Variants in CHLSN observed in about 807,000 individuals in gnomAD.
The protein encoded by CHLSN is cholesin.
chr7:1,080,973 G>A, the CHLSN span: 2 of 152,784 alleles, frequency 1.3e-5, no homozygotes, highest in Non-Finnish European at 2.9e-5. Flanking sequence ...GGTGCAGGGG[G>A]CCAGGTGGGA....
At chr7:1,016,773 C>T in the CHLSN span, among the ~76,000 whole-genome samples, 1 of 86,848 alleles carries the variant, frequency 1.2e-5, no homozygotes, top group South Asian at 3.2e-4. Context: ...GCACAGCGCA[C>T]AGCAGCGCAC....
chr7:1,081,488 C>T, the CHLSN span, among the ~76,000 whole-genome samples: 6 of 152,210 alleles, frequency 3.9e-5, no homozygotes, highest in East Asian at 1.9e-4. Context: ...CTTGGCACGG[C>T]GCAGGGGTGG....
chr7:1,040,905 C>G, the CHLSN span, among the ~76,000 whole-genome samples: 2 of 152,242 alleles, frequency 1.3e-5, no homozygotes, highest in African/African-American at 4.8e-5. Context: ...CAAAGGCAGA[C>G]GTGCCGGCTG....
the CHLSN span, among the ~76,000 whole-genome samples, chr7:1,117,230 G>A: frequency 2.3e-5 from 1 of 43,916 alleles, no homozygotes; most frequent in Non-Finnish European, 3.9e-5. Context: ...CGACGTCCAC[G>A]CAGGATGATG....
chr7:983,243 T>C, the CHLSN span: 1 of 1,532,202 alleles, frequency 6.5e-7, no homozygotes, highest in Non-Finnish European at 8.8e-7. Flanking sequence ...TTCCTGGGCC[T>C]CCTGGGGCTC....
chr7:1,026,661 A>G, the CHLSN span: 64,080 of 152,092 alleles, frequency 0.42, 13,790 homozygotes, highest in Admixed American at 0.49. Flanking sequence ...TGAAAATCAC[A>G]TTATTAACGT....
chr7:1,045,421 CACG>C, the CHLSN span: 1 of 152,252 alleles, frequency 6.6e-6, no homozygotes, highest in South Asian at 2.1e-4. Context: ...CACGGAACAG[CACG>C]ACATCTTTTA....
chr7:1,111,070 C>T, the CHLSN span, among the ~76,000 whole-genome samples: 18 of 152,154 alleles, frequency 1.2e-4, no homozygotes, highest in East Asian at 3.1e-3. Flanking sequence ...AGCGAGACTC[C>T]GTCTCAAAAG....
chr7:1,124,581 GA>G, the CHLSN span, among the ~76,000 whole-genome samples: 2 of 101,214 alleles, frequency 2.0e-5, no homozygotes, highest in African/African-American at 8.2e-5. Context: ...GGGGAGGGGG[GA>G]GGGATAGCAT....
At chr7:1,023,824 G>T in the CHLSN span, among the ~76,000 whole-genome samples, 9,442 of 152,184 alleles carry the variant, frequency 0.062, 925 homozygotes, top group African/African-American at 0.21. The surrounding 1 kb of genome is among the most constrained non-coding windows in gnomAD (Gnocchi z 5.0). Context: ...CAGGCCAGGG[G>T]ACTGGAGGCC....
the CHLSN span, among the ~76,000 whole-genome samples, chr7:1,005,567 G>A: frequency 6.6e-6 from 1 of 152,252 alleles, no homozygotes; most frequent in African/African-American, 2.4e-5. Context: ...CAGCGGGGCA[G>A]TGGGCCTGGG....
chr7:1,035,128 A>T, the CHLSN span, among the ~76,000 whole-genome samples: 1 of 123,296 alleles, frequency 8.1e-6, no homozygotes. Context: ...GTGAACAGTG[A>T]TGGGCTGGTG....
At chr7:1,016,069 G>A in the CHLSN span, among the ~76,000 whole-genome samples, 1 of 135,248 alleles carries the variant, frequency 7.4e-6, no homozygotes, top group Admixed American at 7.2e-5. Context: ...GCACACGCCA[G>A]CGCACAGCAG....
chr7:1,023,285 C>T, the CHLSN span, among the ~76,000 whole-genome samples: 2 of 152,208 alleles, frequency 1.3e-5, no homozygotes, highest in Non-Finnish European at 2.9e-5. The surrounding 1 kb of genome is among the most constrained non-coding windows in gnomAD (Gnocchi z 5.0). Context: ...CAACAGATGG[C>T]ACGGGGAGCG....
At chr7:978,256 A>G in the CHLSN span, among the ~76,000 whole-genome samples, 1 of 152,288 alleles carries the variant, frequency 6.6e-6, no homozygotes, top group East Asian at 1.9e-4. Flanking sequence ...GGTGGCTCAC[A>G]CCTGTAATCC....
At chr7:1,116,005 C>G in the CHLSN span, among the ~76,000 whole-genome samples, 1 of 124,854 alleles carries the variant, frequency 8.0e-6, no homozygotes. Flanking sequence ...CTTCCAGCAC[C>G]GACGCCCACG....
chr7:1,070,376 G>A, the CHLSN span, among the ~76,000 whole-genome samples: 119 of 121,882 alleles, frequency 9.8e-4, 8 homozygotes, highest in Admixed American at 1.9e-3. Context: ...CCCCCCGCCC[G>A]GCCAGCCGCC....
chr7:1,057,433 T>C, the CHLSN span: 3 of 649,614 alleles, frequency 4.6e-6, no homozygotes, highest in Non-Finnish European at 5.6e-6. Context: ...CCTGCAGCAC[T>C]TCTGGGCCAG....
At chr7:1,024,354 A>G in the CHLSN span, 1 of 152,196 alleles carries the variant, frequency 6.6e-6, no homozygotes, top group Admixed American at 6.5e-5. Flanking sequence ...GGCTTCCTAA[A>G]CAGCCTGAGT....
Sources: allele counts gnomAD v4.1 joint callset (sites outside exome capture counted in the v4.1 genomes callset), GRCh38; gene constraint gnomAD v4.1.1; non-coding constraint Gnocchi (gnomAD v3.1); transcripts MANE v1.5; gene names NCBI Gene and HGNC (gene_info 2026-07-23, HGNC 2026-07-21).